The following SERINC5 variants were observed in gnomAD, a reference collection of about 807,000 sequenced individuals.
SERINC5 encodes serine incorporator 5.
In SERINC5, 41 loss-of-function variants were observed where a neutral mutation model predicts 63.1. The ratio of observed to expected loss-of-function variants is 0.65; its 90% CI spans 0.51 to 0.84. The LOEUF (loss-of-function observed/expected upper bound fraction) is 0.84, where lower values mean the gene tolerates loss of function less well. Ranked by LOEUF, SERINC5 falls within the 40% of genes least tolerant of loss-of-function variation. The probability of loss-of-function intolerance (pLI) is 0.00; values close to 1 mark genes in which losing one functional copy is unlikely to be tolerated. For synonymous variants in SERINC5, 222 were observed against 215.2 expected (o/e 1.03, Z -0.28); for missense variants, 523 against 573.0 (o/e 0.91, Z 0.89).
chr5:80,194,674 T>C (rs1193970247), intron 2 of SERINC5, among the ~76,000 whole-genome samples: 1 of 152,200 alleles, frequency 6.6e-6, no homozygotes, highest in African/African-American at 2.4e-5. Flanking sequence ...AGATCGCTGC[T>C]GAGGGCCCCA....
intron 1 of SERINC5, among the ~76,000 whole-genome samples, chr5:80,222,636 G>T (rs1278450662): frequency 6.6e-6 from 1 of 151,858 alleles, no homozygotes; most frequent in Admixed American, 6.6e-5. Flanking sequence ...GCAATGGAGC[G>T]ATCTCGGCTC....
intron 1 of SERINC5, among the ~76,000 whole-genome samples, chr5:80,241,090 T>C (rs1005872036): frequency 3.9e-5 from 6 of 152,224 alleles, no homozygotes; most frequent in African/African-American, 1.4e-4. Context: ...TACCTAGCGA[T>C]TGGTTTCCAT....
At position 80,169,343 on chromosome 5, in the gene SERINC5, A is replaced by G. The variant is rs144763991; in HGVS notation, c.755T>C (p.Val252Ala). 109 of 1,613,682 alleles carry G rather than the reference A, an allele frequency of 6.8e-5. No individual in the cohort carries two copies. In the African/African-American group the frequency reaches 1.3e-3, roughly 19 times the overall value. ...GAAAAAAACATGCTTACGATTTTGGACCCAGGGTGAGATGGCTACCAATGA... is the reference window on the plus strand; with the variant it reads ...GAAAAAAACATGCTTACGATTTTGGGCCCAGGGTGAGATGGCTACCAATGA... Reference protein sequence around the residue: ...LISLVAISPWVQNRQPHSGLL... With the variant: ...LISLVAISPWAQNRQPHSGLL... The change falls in exon 6 of 12, where the codon GTC (valine) becomes GCC (alanine). Residue 252 changes from valine (V) to alanine (A), a missense_variant. Physicochemically the swap from Val to Ala is moderately conservative, Grantham distance 64. Coordinates refer to ENST00000507668, the MANE Select transcript of SERINC5 (RefSeq NM_001174072.3).
At chr5:80,205,331 A>G (rs6860041) in intron 1 of SERINC5, among the ~76,000 whole-genome samples, 1 of 152,326 alleles carries the variant, frequency 6.6e-6, no homozygotes, top group Admixed American at 6.5e-5. Context: ...ACGGACTTGG[A>G]TAACACCTCG....
intron 9 of SERINC5, 95 bp from the exon 10 acceptor site, chr5:80,147,379 G>T: frequency 7.7e-7 from 1 of 1,302,988 alleles, no homozygotes; most frequent in Non-Finnish European, 1.1e-6. Context: ...CACCTCCCAG[G>T]CCCTTCAAAA....
chr5:80,221,792 CA>C (rs34503587), intron 1 of SERINC5, among the ~76,000 whole-genome samples: 150 of 137,242 alleles, frequency 1.1e-3, no homozygotes, highest in East Asian at 2.3e-3. Context: ...ACAACTTTAG[CA>C]AAAAAAAAAA....
At chr5:80,232,102 A>T (rs1187571136) in intron 1 of SERINC5, among the ~76,000 whole-genome samples, 2,397 of 22,414 alleles carry the variant, frequency 0.11, 30 homozygotes, top group Non-Finnish European at 0.13. Flanking sequence ...ATTCTGTCTT[A>T]AAAAAAAAAA....
intron 2 of SERINC5, among the ~76,000 whole-genome samples, chr5:80,182,429 C>T (rs751473779): frequency 6.6e-6 from 1 of 151,666 alleles, no homozygotes; most frequent in Non-Finnish European, 1.5e-5. Flanking sequence ...GACGTTTATT[C>T]ACCATACATT....
At chr5:80,131,192 G>C (rs561459413) in intron 11 of SERINC5, among the ~76,000 whole-genome samples, 7 of 152,230 alleles carry the variant, frequency 4.6e-5, no homozygotes, top group Admixed American at 4.6e-4. Context: ...ACTGAATCAT[G>C]GGACTGGGTC....
chr5:80,202,382 C>T (rs923660415), intron 2 of SERINC5, among the ~76,000 whole-genome samples: 3 of 151,986 alleles, frequency 2.0e-5, no homozygotes, highest in Admixed American at 6.5e-5. Context: ...CATAAACAGA[C>T]GATTGTGATG....
rs779893603 is a variant in SERINC5 at position 80,178,000 on chromosome 5, C to T, written c.260G>A (p.Gly87Glu). 6.2e-7 allele frequency: 1 copy of T among 1,612,512 alleles called. No individual in the cohort carries two copies. Among genetic ancestry groups the T allele is most frequent in the Admixed American group, 1.7e-5 (1 of 59,802 alleles). Residue 87 changes from glycine to glutamate, a missense_variant, in exon 3 of 12, where the codon GGA becomes GAA. Gly to Glu is a moderately conservative substitution (Grantham distance 98). Coordinates refer to ENST00000507668, the MANE Select transcript of SERINC5 (RefSeq NM_001174072.3). ...ACAGACTCTATACACGGCAGAATAT[C>T]CCACCAGCTTCTCACAGGTGTCACC... Reference protein sequence around the residue: ...KAGDTCEKLVGYSAVYRVCFG... With the variant: ...KAGDTCEKLVEYSAVYRVCFG...
intron 2 of SERINC5, among the ~76,000 whole-genome samples, chr5:80,178,951 C>T (rs1316547097): frequency 3.3e-5 from 5 of 152,082 alleles, no homozygotes; most frequent in Non-Finnish European, 4.4e-5. Flanking sequence ...TATATTAAAA[C>T]AGCTTTTTAA....
chr5:80,141,045 T>C lies in SERINC5; in HGVS notation c.*2618A>G. ...AATCACAATTGCACAAAACTGTAGA[T>C]TCTTTAAATCCAGGAATGTTGACTC... On this transcript the variant is annotated 3_prime_UTR_variant, in exon 12 of 12. Coordinates refer to ENST00000507668, the MANE Select transcript of SERINC5 (RefSeq NM_001174072.3). 1.0e-6 allele frequency: 1 copy of C among 985,396 alleles called. No individual in the cohort carries two copies. Among genetic ancestry groups the C allele is most frequent in the Non-Finnish European group, 1.2e-6 (1 of 829,898 alleles). 61.0% of individuals were successfully genotyped at this position (985,396 alleles called of 1,614,324 possible).
rs896485391 is a variant in SERINC5, at chr5:80,146,082, C to A, written c.1238+8G>T. The A allele has an allele frequency of 1.1e-5, 17 of 1,613,662 alleles. No homozygotes were observed. The highest frequency in any genetic ancestry group is 1.3e-5 in the African/African-American group (1 of 74,914). On this transcript the variant is annotated splice_region_variant and intron_variant, in intron 11 of 11. Transcript: ENST00000507668. Reference sequence around the variant, plus strand: ...CTTCAAAAATACCTAAGCAAATGGGCCACTCACTTGAACCAGTTGGTGACG... The same window carrying A: ...CTTCAAAAATACCTAAGCAAATGGGACACTCACTTGAACCAGTTGGTGACG...
intron 1 of SERINC5, among the ~76,000 whole-genome samples, chr5:80,207,511 C>T (rs1384718812): frequency 6.6e-6 from 1 of 152,172 alleles, no homozygotes; most frequent in African/African-American, 2.4e-5. Flanking sequence ...TAAAGGCAGA[C>T]AAATAGCAAC....
intron 1 of SERINC5, among the ~76,000 whole-genome samples, chr5:80,233,830 G>C (rs1329373602): frequency 7.8e-5 from 1 of 12,818 alleles, no homozygotes; most frequent in Non-Finnish European, 1.7e-4. Context: ...TTTTTTTTTT[G>C]AGACAGAGTC....
intron 1 of SERINC5, among the ~76,000 whole-genome samples, chr5:80,214,878 C>A (rs1207008614): frequency 1.3e-5 from 2 of 152,002 alleles, no homozygotes; most frequent in Non-Finnish European, 2.9e-5. Flanking sequence ...GCCTGGGCAA[C>A]GAGACTGAAA....
chr5:80,213,647 G>A (rs568079195), intron 1 of SERINC5, among the ~76,000 whole-genome samples: 99 of 152,226 alleles, frequency 6.5e-4, no homozygotes, highest in Non-Finnish European at 1.2e-3. Flanking sequence ...GCAAGTATCT[G>A]AAGAGGTCAC....
chr5:80,127,006 C>A (rs543535401), intron 11 of SERINC5, among the ~76,000 whole-genome samples: 1 of 152,142 alleles, frequency 6.6e-6, no homozygotes, highest in Non-Finnish European at 1.5e-5. Context: ...AACACCCAGA[C>A]ACAATCACAA....
Sources: allele counts gnomAD v4.1 joint callset (sites outside exome capture counted in the v4.1 genomes callset), GRCh38; gene constraint gnomAD v4.1.1; transcripts MANE v1.5; gene names NCBI Gene and HGNC (gene_info 2026-07-23, HGNC 2026-07-21).